SCAF11: variants seen among roughly 807,000 people sequenced by gnomAD.
The protein encoded by SCAF11 is SR-related CTD associated factor 11.
In SCAF11, 47 loss-of-function variants were observed where a neutral mutation model predicts 140.5. That is an observed-to-expected ratio of 0.33 (90% confidence interval 0.26 to 0.43). The LOEUF (loss-of-function observed/expected upper bound fraction) is 0.43, where lower values mean the gene tolerates loss of function less well. Ranked by LOEUF, SCAF11 falls within the 20% of genes least tolerant of loss-of-function variation. SCAF11 has a pLI of 1.00. For missense variants in SCAF11, 1,645 were observed against 1,705.1 expected, an observed-to-expected ratio of 0.96 and a Z score of 0.62; for synonymous variants, 557 against 579.4, an observed-to-expected ratio of 0.96 and a Z score of 0.55.
At chr12:45,964,246 TA>T (rs199589025) in intron 1 of SCAF11, 58 bp from the exon 2 acceptor site, 514 of 786,876 alleles carry the variant, frequency 6.5e-4, no homozygotes, top group East Asian at 2.1e-3. Flanking sequence ...TAATATCAAT[TA>T]AAAAAAAATC....
intron 6 of SCAF11, among the ~76,000 whole-genome samples, chr12:45,944,146 C>A (rs1945367846): frequency 1.3e-5 from 2 of 152,232 alleles, no homozygotes; most frequent in Non-Finnish European, 2.9e-5. Flanking sequence ...TAATCTTCCT[C>A]AGCAGTAAAT....
intron 3 of SCAF11, chr12:45,953,933 GGTTA>G (rs1945614524): frequency 3.6e-6 from 3 of 837,262 alleles, no homozygotes; most frequent in African/African-American, 1.8e-5. Flanking sequence ...AAAAAAACTT[GGTTA>G]ATTAACAAAA....
At chr12:45,984,762 T>C (rs1946424629) in intron 1 of SCAF11, among the ~76,000 whole-genome samples, 1 of 151,778 alleles carries the variant, frequency 6.6e-6, no homozygotes. Flanking sequence ...TGTGGTGATC[T>C]TGGCCCACTG....
intron 1 of SCAF11, among the ~76,000 whole-genome samples, chr12:45,967,576 G>A (rs1945981229): frequency 6.6e-6 from 1 of 152,024 alleles, no homozygotes; most frequent in Non-Finnish European, 1.5e-5. Context: ...CCCAGGAGGC[G>A]GAGGTTGCAG....
At chr12:45,947,849 A>G (rs2136566488) in intron 5 of SCAF11, among the ~76,000 whole-genome samples, 1 of 152,112 alleles carries the variant, frequency 6.6e-6, no homozygotes, top group South Asian at 2.1e-4. Context: ...GCTAATCTGT[A>G]AATTTTTAGT....
chr12:45,925,990 T>C (rs1944847536), intron 11 of SCAF11, 152 bp downstream of exon 11: 1 of 702,980 alleles, frequency 1.4e-6, no homozygotes, highest in Non-Finnish European at 2.2e-6. Context: ...CGTGTATATA[T>C]ATTTATATAA....
At chr12:45,988,360 T>C (rs1243730672) in intron 1 of SCAF11, among the ~76,000 whole-genome samples, 1 of 152,218 alleles carries the variant, frequency 6.6e-6, no homozygotes, top group Non-Finnish European at 1.5e-5. Context: ...AGTTGATGGG[T>C]AGTATAGTAC....
intron 12 of SCAF11, among the ~76,000 whole-genome samples, chr12:45,924,012 G>A (rs776581315): frequency 6.6e-6 from 1 of 152,006 alleles, no homozygotes; most frequent in Non-Finnish European, 1.5e-5. Flanking sequence ...CACCACACCC[G>A]GCTAATTTTT....
intron 3 of SCAF11, among the ~76,000 whole-genome samples, chr12:45,953,602 A>G (rs1328494838): frequency 1.3e-5 from 2 of 152,220 alleles, no homozygotes; most frequent in African/African-American, 4.8e-5. Context: ...TATTTTTACA[A>G]AAGCTTCAAA....
rs775527608 is a variant in SCAF11 at position 45,928,369 on chromosome 12, A to G, written c.1332T>C (p.Ala444=). ...TVQTHVENQS[A]NCLKSCNEQI... is the part of the protein sequence containing the mutation. ...GCTCATTGCAACTTTTCAAGCAATT[A>G]GCAGACTGGTTTTCTACATGAGTCT... is the stretch of plus-strand genomic sequence containing the variant. Residue 444 remains alanine, a synonymous_variant, in exon 11 of 15, where the codon GCT becomes GCC. Transcript: ENST00000369367. 6.2e-7 allele frequency: 1 copy of G among 1,614,176 alleles called. No individual in the cohort carries two copies. The highest frequency in any genetic ancestry group is 8.5e-7 in the Non-Finnish European group (1 of 1,180,016).
rs574035387 is a variant in SCAF11 at position 45,967,605 on chromosome 12, C to T, written c.-21-3417G>A. On this transcript the variant is annotated intron_variant, in intron 1 of 14. Transcript: ENST00000369367. ...GTTGCAGTGAATCGAGATTGCGCCA[C>T]TGCACTCCAGCCTGGGCAACAGAGT... is the stretch of plus-strand genomic sequence containing the variant. Among the ~76,000 whole-genome samples, 7 of 152,042 alleles carry T rather than the reference C, an allele frequency of 4.6e-5. No homozygotes were observed. In the East Asian group the frequency reaches 1.4e-3, roughly 30 times the overall value.
chr12:45,937,675 T>C (rs1455613849), intron 6 of SCAF11, among the ~76,000 whole-genome samples: 1 of 152,224 alleles, frequency 6.6e-6, no homozygotes, highest in Non-Finnish European at 1.5e-5. Flanking sequence ...TTCCAAAAGA[T>C]GTCCCTTATT....
rs758155797 is a variant in SCAF11 at position 45,948,522 on chromosome 12, GT to G, written c.312del (p.Lys104AsnfsTer3). ...LEGYVKVQVK[K>X]QLRETKDKKN... Reference sequence around the variant, plus strand: ...TTCTTGTCTTTTGTTTCTCTCAGCTGTTTTTTTACTTGAACCTATGAGAAAA... The same window carrying G: ...TTCTTGTCTTTTGTTTCTCTCAGCTGTTTTTTACTTGAACCTATGAGAAAA... On this transcript the variant is annotated frameshift_variant, in exon 5 of 15. Transcript: ENST00000369367. LOFTEE classifies it high-confidence loss of function. 1 of 1,608,566 alleles carries G rather than the reference GT, an allele frequency of 6.2e-7. No individual in the cohort carries two copies. The highest frequency in any genetic ancestry group is 8.5e-7 in the Non-Finnish European group (1 of 1,177,182).
intron 13 of SCAF11, 125 bp from the exon 14 acceptor site, chr12:45,922,707 T>C (rs1944744431): frequency 1.0e-6 from 1 of 996,132 alleles, no homozygotes. Flanking sequence ...ACGTGACAAA[T>C]ATAAAACAGT....
At position 45,920,690 on chromosome 12, in the gene SCAF11, A is replaced by G. The variant is rs1944685217; in HGVS notation, c.*1358T>C. On this transcript the variant is annotated 3_prime_UTR_variant, in exon 15 of 15. Transcript: ENST00000369367. The stretch of plus-strand genomic sequence containing the variant: ...TAAATTTCCCCTCTGTTTCTAAAAC[A>G]CAGGTTTTACTGTCTAGAATTTTGC... The G allele has an allele frequency of 6.6e-6, 1 of 152,576 alleles. No individual in the cohort carries two copies. The highest frequency in any genetic ancestry group is 1.5e-5 in the Non-Finnish European group (1 of 68,028). The allele number at this position is 152,576 out of a possible 1,614,324, so 9.5% of individuals were successfully genotyped here.
intron 10 of SCAF11, among the ~76,000 whole-genome samples, chr12:45,930,607 A>G (rs1461319247): frequency 6.6e-6 from 1 of 151,794 alleles, no homozygotes; most frequent in Non-Finnish European, 1.5e-5. Context: ...AAAAATTGTT[A>G]CACTGGTAAA....
intron 3 of SCAF11, among the ~76,000 whole-genome samples, chr12:45,957,573 C>G (rs1945720954): frequency 6.6e-6 from 1 of 152,092 alleles, no homozygotes; most frequent in Admixed American, 6.5e-5. Flanking sequence ...AACCTTTACT[C>G]TCTCATACTG....
At chr12:45,982,746 T>C (rs747723138) in intron 1 of SCAF11, among the ~76,000 whole-genome samples, 10 of 152,182 alleles carry the variant, frequency 6.6e-5, no homozygotes, top group Admixed American at 1.3e-4. Context: ...GACTGTTTCA[T>C]TGATCCCAGA....
intron 6 of SCAF11, among the ~76,000 whole-genome samples, chr12:45,943,025 G>A (rs1592185443): frequency 6.6e-6 from 1 of 152,212 alleles, no homozygotes; most frequent in Admixed American, 6.5e-5. Flanking sequence ...AGTACGTATT[G>A]AGTATGAATC....
Sources: allele counts gnomAD v4.1 joint callset (sites outside exome capture counted in the v4.1 genomes callset), GRCh38; gene constraint gnomAD v4.1.1; transcripts MANE v1.5; gene names NCBI Gene and HGNC (gene_info 2026-07-23, HGNC 2026-07-21).